Variants in PRSS53 observed in about 807,000 individuals in gnomAD.
The protein encoded by PRSS53 is EDTP308.
In PRSS53, 54 loss-of-function variants were observed where a neutral mutation model predicts 62.7. The observed-to-expected ratio is 0.86, with a 90% CI of 0.69 to 1.08. The LOEUF (loss-of-function observed/expected upper bound fraction) is 1.08, where lower values mean the gene tolerates loss of function less well. Among genes scored for constraint, PRSS53 ranks in the 50% least tolerant of loss-of-function variants. The pLI is 0.00. For missense variants in PRSS53, 688 were observed against 728.3 expected, an observed-to-expected ratio of 0.94 and a Z score of 0.64; for synonymous variants, 273 against 300.0, an observed-to-expected ratio of 0.91 and a Z score of 0.93.
At chr16:31,084,928 A>G in exon 8 of PRSS53, 1 of 1,545,054 alleles carries the variant, frequency 6.5e-7, no homozygotes, top group Non-Finnish European at 8.7e-7. Context: ...AGCCCCCCTC[A>G]GGGTGGGTGT....
intron 1 of PRSS53, 74 bp from the exon 2 acceptor site, chr16:31,087,900 C>T: frequency 6.3e-7 from 1 of 1,592,702 alleles, no homozygotes; most frequent in Non-Finnish European, 8.5e-7. Context: ...AGGGGATGGG[C>T]TGGGGGGCGG....
Position 31,085,138 on chromosome 16 carries a change from CCG to C in PRSS53, c.1004_1005del (p.Ala335GlyfsTer43), listed in dbSNP as rs2057218992. On this transcript the variant is annotated frameshift_variant, in exon 7 of 11. Transcript: ENST00000280606. LOFTEE classifies it high-confidence loss of function. Reference sequence around the variant, plus strand: ...ATGAAGCAGTGGGCAGCAGTTAGCACCGCCTCCTCTGACACCAGGGCTCCGCC... The same window carrying C: ...ATGAAGCAGTGGGCAGCAGTTAGCACCCTCCTCTGACACCAGGGCTCCGCC... 1 of 1,612,242 alleles carries C rather than the reference CCG, an allele frequency of 6.2e-7. No individual in the cohort carries two copies. Among genetic ancestry groups the C allele is most frequent in the African/African-American group, 1.3e-5 (1 of 74,924 alleles).
exon 11 of PRSS53, chr16:31,083,623 G>T: frequency 6.6e-7 from 1 of 1,508,292 alleles, no homozygotes; most frequent in Non-Finnish European, 8.9e-7. Context: ...GTCCTGCAGG[G>T]TGGGGAGTGG....
exon 4 of PRSS53, chr16:31,086,809 A>T: frequency 6.2e-7 from 1 of 1,613,194 alleles, no homozygotes; most frequent in Middle Eastern, 1.7e-4. Context: ...CAGGGCAGCC[A>T]CCCCCACCTC....
At chr16:31,085,254 C>A in exon 7 of PRSS53, 1 of 1,573,332 alleles carries the variant, frequency 6.4e-7, no homozygotes, top group Non-Finnish European at 8.6e-7. Context: ...CCTCAAGGAT[C>A]CACAGGCTGA....
chr16:31,088,728 A>C (rs1161214884), intron 1 of PRSS53, 24 bp downstream of exon 1: 1 of 1,612,640 alleles, frequency 6.2e-7, no homozygotes, highest in Admixed American at 1.7e-5. Context: ...GGCCACACCC[A>C]TACCCCAGCA....
At chr16:31,085,911 T>C (rs1200952159) in intron 6 of PRSS53, 53 bp downstream of exon 6, 3 of 1,521,868 alleles carry the variant, frequency 2.0e-6, no homozygotes, top group Non-Finnish European at 2.7e-6. Context: ...TAGTCCTAAC[T>C]GAGGTTTGCT....
At chr16:31,084,049 G>T in intron 10 of PRSS53, 70 bp downstream of exon 10, 1 of 1,524,520 alleles carries the variant, frequency 6.6e-7, no homozygotes, top group South Asian at 1.3e-5. Context: ...GGTTAGAACG[G>T]CACGTTCTCA....
At chr16:31,084,841 A>T (rs752530972) in exon 8 of PRSS53, 6 of 1,547,948 alleles carry the variant, frequency 3.9e-6, no homozygotes, top group Admixed American at 3.9e-5. Flanking sequence ...GGTGGTGGTC[A>T]GGATAGGGCA....
rs1487645835 is a variant in PRSS53, at chr16:31,085,089, A to G, written c.1034+21T>C. On this transcript the variant is annotated intron_variant, in intron 7 of 10. Coordinates refer to ENST00000280606, the Ensembl canonical transcript of PRSS53. ...TGCCGGCAGGGGCAGGGGGCACAGC[A>G]GAGAGGGATCCAAGACTCACCCAAT... is the stretch of plus-strand genomic sequence containing the variant. The G allele has an allele frequency of 1.9e-6, 3 of 1,613,040 alleles. No homozygotes were observed. In the South Asian group the frequency reaches 3.3e-5, roughly 18 times the overall value.
At chr16:31,087,670 T>G in exon 3 of PRSS53, 1 of 1,611,880 alleles carries the variant, frequency 6.2e-7, no homozygotes, top group South Asian at 1.1e-5. Context: ...TCCTGAGGCT[T>G]GGGGGGGCCG....
In PRSS53 at chr16:31,086,461, C is replaced by T. The variant is rs374267853; in HGVS notation, c.539G>A (p.Arg180His). 4.8e-5 allele frequency: 78 copies of T among 1,613,710 alleles called. No homozygotes were observed. The highest frequency in any genetic ancestry group is 1.5e-4 in the African/African-American group (11 of 74,900). ...GTTACATGTGGGGCGACTGATGAGA[C>T]GCAGGCGCAGATTGCGTAGGGTCCC... Residue 180 changes from arginine (R) to histidine (H), a missense_variant, in exon 5 of 11, where the codon CGT becomes CAT. By Grantham distance (29) the Arg-to-His change is conservative. Transcript: ENST00000280606.
rs183829187 is a variant in PRSS53 at position 31,086,088 on chromosome 16, G to A, written c.759C>T (p.Asp253=). The A allele has an allele frequency of 6.7e-5, 108 of 1,613,688 alleles. No homozygotes were observed. The East Asian group carries it at 1.9e-3, about 29-fold the overall frequency. Reference sequence around the variant, plus strand: ...CTGTGTTGGTCAGCAGCACAGGAGCGTCCTCCTGGGCACAGCTTGATGCAA... The same window carrying A: ...CTGTGTTGGTCAGCAGCACAGGAGCATCCTCCTGGGCACAGCTTGATGCAA... The change falls in exon 6 of 11, where the codon GAC becomes GAT. Residue 253 remains aspartate (D), a synonymous_variant. Transcript: ENST00000280606.
intron 1 of PRSS53, 124 bp from the exon 2 acceptor site, chr16:31,087,950 C>T (rs1315918721): frequency 3.2e-6 from 5 of 1,548,488 alleles, no homozygotes; most frequent in Admixed American, 2.0e-5. Flanking sequence ...ACCTTACCAG[C>T]CCCTCCCAGA....
At position 31,088,631 on chromosome 16, in the gene PRSS53, C is replaced by G; in HGVS notation, c.58+121G>C. On this transcript the variant is annotated intron_variant, in intron 1 of 10. Coordinates refer to ENST00000280606, the Ensembl canonical transcript of PRSS53. ...CCCACAGAGTCCTACGGAGTTACAT[C>G]CCCACTGGTGGACTGTCGCCCACAG... 6 of 1,550,222 alleles carry G rather than the reference C, an allele frequency of 3.9e-6. No homozygotes were observed. In the South Asian group the frequency reaches 5.9e-5, roughly 15 times the overall value.
chr16:31,086,499 AAG>A lies in PRSS53; in HGVS notation c.509-10_509-9del, dbSNP rs2057235258. ...TGCGTAGGGTCCCAGGAGCTGGTGAAAGAGACGGGGCTGGGGCTAGAGTCTGG... is the reference window on the plus strand; with the variant it reads ...TGCGTAGGGTCCCAGGAGCTGGTGAAAGACGGGGCTGGGGCTAGAGTCTGG... On this transcript the variant is annotated splice_polypyrimidine_tract_variant and intron_variant, in intron 4 of 10. Transcript: ENST00000280606. The A allele has an allele frequency of 6.2e-7, 1 of 1,608,438 alleles. No individual in the cohort carries two copies. Among genetic ancestry groups the A allele is most frequent in the Admixed American group, 1.7e-5 (1 of 59,700 alleles).
chr16:31,087,122 T>C (rs1418293212), intron 3 of PRSS53: 1 of 548,888 alleles, frequency 1.8e-6, no homozygotes, highest in Non-Finnish European at 3.2e-6. Flanking sequence ...CTCAGCCTCG[T>C]GAGTAGCTGG....
At chr16:31,086,774 A>T in exon 4 of PRSS53, 1 of 1,613,072 alleles carries the variant, frequency 6.2e-7, no homozygotes, top group Non-Finnish European at 8.5e-7. Context: ...CCCTGGCTGT[A>T]GTGGTTATAG....
intron 6 of PRSS53, 49 bp from the exon 7 acceptor site, chr16:31,085,309 T>A: frequency 1.3e-6 from 2 of 1,482,282 alleles, no homozygotes; most frequent in Non-Finnish European, 1.8e-6. Flanking sequence ...CACTTCCCAC[T>A]TCCCATCAAA....
Sources: gnomAD v4.1 joint callset for allele counts on GRCh38, gnomAD v4.1.1 for gene constraint, MANE v1.5 for transcripts, NCBI Gene and HGNC (gene_info 2026-07-23, HGNC 2026-07-21) for gene names.